The following ZDHHC9 variants were observed in gnomAD, a reference collection of about 807,000 sequenced individuals.
The protein encoded by ZDHHC9 is palmitoyltransferase ZDHHC9.
A neutral mutation model predicts 26.6 loss-of-function variants in ZDHHC9; 3 were observed. The observed-to-expected ratio is 0.11, with a 90% CI of 0.05 to 0.29. The LOEUF is 0.29. ZDHHC9 is among the 10% of genes least tolerant of loss of function. The probability of loss-of-function intolerance (pLI) is 1.00; values close to 1 mark genes in which losing one functional copy is unlikely to be tolerated. For synonymous variants in ZDHHC9, 111 were observed against 109.4 expected (o/e 1.01, Z -0.09); for missense variants, 146 against 296.4 (o/e 0.49, Z 3.73).
At chrX:129,808,011 C>T (rs1256502366) in intron 10 of ZDHHC9, among the ~76,000 whole-genome samples, 1 of 112,050 alleles carries the variant, frequency 8.9e-6, no homozygotes, top group African/African-American at 3.2e-5. Flanking sequence ...ATAAATGTAA[C>T]AAAAGTGTAA....
intron 8 of ZDHHC9, 79 bp from the exon 9 acceptor site, chrX:129,811,588 A>C: frequency 2.5e-6 from 2 of 793,517 alleles, no homozygotes; most frequent in Non-Finnish European, 3.6e-6. Flanking sequence ...AAAAACAGAC[A>C]CAAAAAAGAA....
chrX:129,819,034 G>A (rs911822667), intron 5 of ZDHHC9, among the ~76,000 whole-genome samples: 20 of 108,863 alleles, frequency 1.8e-4, no homozygotes, highest in African/African-American at 3.7e-4. Context: ...TTAGCCAGGC[G>A]TGGTGGCGGG....
At chrX:129,824,892 G>A (rs890984639) in intron 4 of ZDHHC9, among the ~76,000 whole-genome samples, 1 of 112,245 alleles carries the variant, frequency 8.9e-6, no homozygotes, top group African/African-American at 3.2e-5. Flanking sequence ...AAAGCAATAC[G>A]CATAAAACAA....
intron 5 of ZDHHC9, among the ~76,000 whole-genome samples, chrX:129,817,522 A>G: frequency 8.9e-6 from 1 of 111,748 alleles, no homozygotes; most frequent in Middle Eastern, 4.6e-3. Context: ...TAAGTGTGCA[A>G]TTCAGTGGCA....
At chrX:129,822,609 A>G (rs1248125627) in intron 5 of ZDHHC9, among the ~76,000 whole-genome samples, 1 of 111,388 alleles carries the variant, frequency 9.0e-6, no homozygotes, top group African/African-American at 3.3e-5. Flanking sequence ...CAGAACTTAA[A>G]GTAAAATAAA....
intron 10 of ZDHHC9, 121 bp from the exon 11 acceptor site, chrX:129,806,607 C>T: frequency 1.8e-6 from 1 of 561,883 alleles, no homozygotes; most frequent in Non-Finnish European, 2.9e-6. Context: ...TACAGATATG[C>T]AGCCACCAAC....
chrX:129,816,377 T>G (rs1927757312), intron 5 of ZDHHC9, among the ~76,000 whole-genome samples: 1 of 110,424 alleles, frequency 9.1e-6, no homozygotes, highest in Non-Finnish European at 1.9e-5. Flanking sequence ...GGGACGACTG[T>G]ATTTTGGATC....
chrX:129,815,122 C>T (rs1442286157), intron 5 of ZDHHC9, among the ~76,000 whole-genome samples: 3 of 110,482 alleles, frequency 2.7e-5, no homozygotes, highest in African/African-American at 9.9e-5. Flanking sequence ...AAATCTTAAT[C>T]GGTGGGCCTA....
rs1460726092 is a variant in ZDHHC9, at chrX:129,827,220, TAAAA to T, written c.328+1757_328+1760del. 9.5e-5 allele frequency among the ~76,000 whole-genome samples: 6 copies of T among 62,945 alleles called. No homozygotes were observed. The East Asian group carries it at 3.6e-3, about 38-fold the overall frequency. 54.7% of individuals were successfully genotyped at this position (62,945 alleles called of 115,157 possible). On this transcript the variant is annotated intron_variant, in intron 4 of 10. Coordinates refer to ENST00000357166, the MANE Select transcript of ZDHHC9 (RefSeq NM_016032.4). ...TAAAAAAGAAGAAAGGAAGGAAAAA[TAAAA>T]AAGAAGAAAGGAAGGAAAGGAAGGA...
intron 5 of ZDHHC9, 97 bp downstream of exon 5, chrX:129,823,582 T>A: frequency 3.9e-6 from 4 of 1,035,589 alleles, no homozygotes; most frequent in Non-Finnish European, 5.4e-6. Context: ...ATTTCTCATC[T>A]AAATCTATCT....
At chrX:129,829,755 TAAG>T (rs932559717) in intron 3 of ZDHHC9, among the ~76,000 whole-genome samples, 3 of 111,500 alleles carry the variant, frequency 2.7e-5, no homozygotes, top group Admixed American at 1.9e-4. Context: ...AGCAAGAAAA[TAAG>T]AAAATCGTTT....
chrX:129,821,483 G>C (rs1927885190), intron 5 of ZDHHC9, among the ~76,000 whole-genome samples: 1 of 107,466 alleles, frequency 9.3e-6, no homozygotes, highest in African/African-American at 3.4e-5. Context: ...AGTAGAGATG[G>C]GGTTTCACCA....
Position 129,841,893 on chromosome X carries a change from G to A in ZDHHC9, c.53C>T (p.Pro18Leu). Residue 18 changes from proline (P) to leucine (L), a missense_variant, in exon 3 of 11, where the codon CCA becomes CTA. Coordinates refer to ENST00000357166, the MANE Select transcript of ZDHHC9 (RefSeq NM_016032.4). ...KKVTRKWEKL[P>L]GRNTFCCDGR... ...ATCACAGCAAAAGGTGTTCCTGCCT[G>A]GGAGTTTCTCCCATTTCCGTGTCAC... 8.3e-7 allele frequency: 1 copy of A among 1,211,807 alleles called. No individual in the cohort carries two copies. The highest frequency in any genetic ancestry group is 1.1e-6 in the Non-Finnish European group (1 of 895,508).
chrX:129,804,551 G>T lies in ZDHHC9; in HGVS notation c.*1819C>A, dbSNP rs1927467013. On this transcript the variant is annotated 3_prime_UTR_variant, in exon 11 of 11. Transcript: ENST00000357166. ...GAAATATATACCATCACTTGTAAAA[G>T]ACCACTGATCAAATATTTCCAAGGG... The T allele has an allele frequency of 9.0e-6, 1 of 111,014 alleles. No individual in the cohort carries two copies. Among genetic ancestry groups the T allele is most frequent in the African/African-American group, 3.3e-5 (1 of 30,508 alleles). 9.1% of individuals were successfully genotyped at this position (111,014 alleles called of 1,213,427 possible). A position where few individuals can be genotyped will look rare whatever the true frequency, so the allele number is the denominator to read the frequency against.
intron 7 of ZDHHC9, 152 bp downstream of exon 7, chrX:129,813,525 G>A: frequency 1.8e-6 from 1 of 558,527 alleles, no homozygotes; most frequent in East Asian, 3.7e-5. Flanking sequence ...CATTCTGGTT[G>A]CTACCACTAA....
chrX:129,811,051 C>A, intron 9 of ZDHHC9, 50 bp from the exon 10 acceptor site: 1 of 1,087,519 alleles, frequency 9.2e-7, no homozygotes. Context: ...ACCCCTCCAC[C>A]CACCTGGCCT....
At chrX:129,823,437 C>T in intron 5 of ZDHHC9, 1 of 402,667 alleles carries the variant, frequency 2.5e-6, no homozygotes, top group East Asian at 4.1e-5. Flanking sequence ...TTATTTTTCT[C>T]ATTTACTAAA....
At chrX:129,824,107 TTAAA>T (rs1189432393) in intron 4 of ZDHHC9, among the ~76,000 whole-genome samples, 1 of 111,313 alleles carries the variant, frequency 9.0e-6, no homozygotes, top group Non-Finnish European at 1.9e-5. Context: ...TAAAAATACA[TTAAA>T]TGAAAACATC....
At chrX:129,820,085 C>T (rs751408720) in intron 5 of ZDHHC9, among the ~76,000 whole-genome samples, 10 of 111,235 alleles carry the variant, frequency 9.0e-5, no homozygotes, top group African/African-American at 2.9e-4. Flanking sequence ...TTAAACATTT[C>T]CACCCCGAAA....
Sources: allele counts gnomAD v4.1 joint callset (sites outside exome capture counted in the v4.1 genomes callset), GRCh38; gene constraint gnomAD v4.1.1; transcripts MANE v1.5; gene names NCBI Gene and HGNC (gene_info 2026-07-23, HGNC 2026-07-21).